The following KCNN2 variants were observed in gnomAD, a reference collection of about 807,000 sequenced individuals.
KCNN2 encodes small conductance calcium-activated potassium channel protein 2.
KCNN2 carries 24 observed loss-of-function variants against 55.5 expected under a neutral mutation model. The observed-to-expected ratio is 0.43, with a 90% CI of 0.31 to 0.61. KCNN2 has a LOEUF of 0.61. Among genes scored for constraint, KCNN2 ranks in the 20% least tolerant of loss-of-function variants. The pLI is 0.08. For missense variants in KCNN2, 754 were observed against 853.6 expected (o/e 0.88, Z 1.45); for synonymous variants, 431 against 336.1 (o/e 1.28, Z -3.09).
intron 6 of KCNN2, among the ~76,000 whole-genome samples, chr5:114,492,322 A>G (rs1747896986): frequency 1.3e-5 from 2 of 152,178 alleles, no homozygotes; most frequent in Non-Finnish European, 1.5e-5. Context: ...GAAAAATAAT[A>G]AAAAATTCTC....
At chr5:114,291,048 C>A (rs1243660302) in intron 2 of KCNN2, among the ~76,000 whole-genome samples, 31 of 151,620 alleles carry the variant, frequency 2.0e-4, no homozygotes, top group Non-Finnish European at 1.5e-5. Flanking sequence ...ATGTATTCTG[C>A]TAGAATTGTG....
At chr5:114,281,676 C>G (rs902567019) in intron 2 of KCNN2, among the ~76,000 whole-genome samples, 2 of 92,136 alleles carry the variant, frequency 2.2e-5, no homozygotes, top group African/African-American at 7.8e-5. Context: ...TGTATGATAT[C>G]CTAGTCAGAT....
chr5:114,302,366 A>G (rs1457754), intron 2 of KCNN2, among the ~76,000 whole-genome samples: 6,787 of 152,182 alleles, frequency 0.045, 514 homozygotes, highest in African/African-American at 0.15. Context: ...AGGACCTACT[A>G]TATTCAAGGT....
chr5:114,278,374 C>G (rs934167699), intron 2 of KCNN2, among the ~76,000 whole-genome samples: 2 of 152,220 alleles, frequency 1.3e-5, no homozygotes, highest in Admixed American at 6.5e-5. Context: ...AACCACTGCT[C>G]TCTTCAGAGC....
chr5:114,389,338 G>A (rs149723314), intron 2 of KCNN2, among the ~76,000 whole-genome samples: 27 of 152,148 alleles, frequency 1.8e-4, no homozygotes, highest in South Asian at 6.2e-4. Flanking sequence ...ATTTTATACC[G>A]GCTAAGTATG....
chr5:114,153,795 A>C (rs1262389084), intron 1 of KCNN2, among the ~76,000 whole-genome samples: 3 of 152,222 alleles, frequency 2.0e-5, no homozygotes, highest in Non-Finnish European at 4.4e-5. Context: ...CAAAACACTC[A>C]TGGAGAACTT....
chr5:114,423,963 C>T (rs1312210634), intron 3 of KCNN2, among the ~76,000 whole-genome samples: 1 of 152,120 alleles, frequency 6.6e-6, no homozygotes, highest in East Asian at 1.9e-4. Context: ...TATCTGTGTC[C>T]AAGTGAAGAA....
At chr5:114,466,127 G>A (rs1328303761) in intron 4 of KCNN2, among the ~76,000 whole-genome samples, 1 of 151,950 alleles carries the variant, frequency 6.6e-6, no homozygotes, top group African/African-American at 2.4e-5. Context: ...TATAAAATAA[G>A]TCATGAGATT....
intron 1 of KCNN2, among the ~76,000 whole-genome samples, chr5:114,148,928 G>A (rs1752460043): frequency 6.6e-6 from 1 of 152,080 alleles, no homozygotes; most frequent in East Asian, 1.9e-4. Flanking sequence ...TGAAAAGGAA[G>A]TAAAGTGACC....
intron 1 of KCNN2, among the ~76,000 whole-genome samples, chr5:114,092,497 G>A (rs1308824385): frequency 2.0e-5 from 3 of 152,144 alleles, no homozygotes; most frequent in African/African-American, 7.2e-5. Context: ...GAGGACAGTG[G>A]CCCTCTTCTT....
intron 1 of KCNN2, among the ~76,000 whole-genome samples, chr5:114,102,078 G>A (rs1450296546): frequency 4.6e-5 from 7 of 152,030 alleles, no homozygotes; most frequent in Middle Eastern, 3.4e-3. Context: ...ATTTCTCCAC[G>A]TCCTTTCCAG....
At chr5:114,128,396 A>T (rs1189646298) in intron 1 of KCNN2, among the ~76,000 whole-genome samples, 1 of 152,168 alleles carries the variant, frequency 6.6e-6, no homozygotes, top group Non-Finnish European at 1.5e-5. Flanking sequence ...ATCAGATTTC[A>T]TGGGAACTAA....
chr5:114,371,773 C>G (rs1266877368), intron 2 of KCNN2, among the ~76,000 whole-genome samples: 1 of 152,174 alleles, frequency 6.6e-6, no homozygotes, highest in East Asian at 1.9e-4. Flanking sequence ...TGATCACATC[C>G]TTCTGGACTT....
intron 1 of KCNN2, among the ~76,000 whole-genome samples, chr5:114,180,112 T>C (rs976943496): frequency 2.0e-5 from 3 of 152,152 alleles, no homozygotes; most frequent in African/African-American, 7.2e-5. Context: ...ACAAAACGGA[T>C]TATAAGTTAA....
intron 4 of KCNN2, among the ~76,000 whole-genome samples, chr5:114,466,170 C>T (rs544525054): frequency 1.3e-5 from 2 of 152,286 alleles, no homozygotes; most frequent in Admixed American, 6.5e-5. Flanking sequence ...AAACCACTCA[C>T]TACCCTTCAA....
At chr5:114,490,165 ACT>A (rs746958857) in intron 6 of KCNN2, among the ~76,000 whole-genome samples, 1 of 152,140 alleles carries the variant, frequency 6.6e-6, no homozygotes, top group Non-Finnish European at 1.5e-5. Context: ...TTTTATCTCA[ACT>A]ATGGACCAAC....
chr5:114,267,978 C>T (rs1188256931), intron 2 of KCNN2, among the ~76,000 whole-genome samples: 7 of 152,116 alleles, frequency 4.6e-5, no homozygotes, highest in Admixed American at 3.3e-4. Flanking sequence ...ATGTCCTTTG[C>T]AGGGAGCTCC....
intron 1 of KCNN2, among the ~76,000 whole-genome samples, chr5:114,194,927 G>T (rs1430796443): frequency 6.6e-6 from 1 of 150,720 alleles, no homozygotes; most frequent in Non-Finnish European, 1.5e-5. Context: ...GATTCTCCCA[G>T]TGCCATCTGT....
chr5:114,257,001 A>G (rs1032342018), intron 2 of KCNN2, among the ~76,000 whole-genome samples: 1 of 152,202 alleles, frequency 6.6e-6, no homozygotes, highest in African/African-American at 2.4e-5. Context: ...TTTAGGTCAT[A>G]CATTTAAATC....
Sources: allele counts gnomAD v4.1 joint callset (sites outside exome capture counted in the v4.1 genomes callset), GRCh38; gene constraint gnomAD v4.1.1; transcripts MANE v1.5; gene names NCBI Gene and HGNC (gene_info 2026-07-23, HGNC 2026-07-21).